TRMT9B: variants seen among roughly 807,000 people sequenced by gnomAD.
The protein encoded by TRMT9B is tRNA methyltransferase 9B (putative).
TRMT9B carries 16 observed loss-of-function variants against 11.5 expected under a neutral mutation model. That is an observed-to-expected ratio of 1.39 (90% confidence interval 0.94 to 2.11). TRMT9B has a LOEUF of 2.11. TRMT9B is among the 30% of genes most tolerant of loss of function. The probability of loss-of-function intolerance (pLI) is 0.00; values close to 1 mark genes in which losing one functional copy is unlikely to be tolerated. For missense variants in TRMT9B, 941 were observed against 553.8 expected (o/e 1.70, Z -7.02); for synonymous variants, 274 against 192.4 (o/e 1.42, Z -3.51).
chr8:13,007,123 TCTC>T (rs1187928226), intron 3 of TRMT9B: 1 of 152,272 alleles, frequency 6.6e-6, no homozygotes. Context: ...CCAAATGTGT[TCTC>T]CTCTGGTGGC....
chr8:13,025,082 T>A lies in TRMT9B; in HGVS notation c.*3038T>A, dbSNP rs2128905706. 6.0e-6 allele frequency: 1 copy of A among 166,908 alleles called. No homozygotes were observed. The highest frequency in any genetic ancestry group is 2.4e-5 in the African/African-American group (1 of 41,360). 10.3% of individuals were successfully genotyped at this position (166,908 alleles called of 1,614,324 possible). A position where few individuals can be genotyped will look rare whatever the true frequency, so the allele number is the denominator to read the frequency against. The stretch of plus-strand genomic sequence containing the variant: ...ATAGATTCTACTGACCTAGCTGGAG[T>A]AATCTGATCACTTACTTCCTTATTA... On this transcript the variant is annotated 3_prime_UTR_variant, in exon 5 of 5. Transcript: ENST00000524591.
rs76436974 is a variant in TRMT9B, at chr8:12,993,249, A to T, written c.-2+2218A>T. On this transcript the variant is annotated intron_variant, in intron 2 of 4. Transcript: ENST00000524591. Reference sequence around the variant, plus strand: ...GCAGAGGTCCCCTGAAGGGCTTTCAAGAAGGAGTGAATATTATCCAATGAG... The same window carrying T: ...GCAGAGGTCCCCTGAAGGGCTTTCATGAAGGAGTGAATATTATCCAATGAG... Among the ~76,000 whole-genome samples the T allele has an allele frequency of 5.0e-3, 756 of 152,318 alleles. 9 individuals carry two copies. Among genetic ancestry groups the T allele is most frequent in the African/African-American group, 0.017 (713 of 41,582 alleles).
chr8:13,015,134 G>C (rs1812392702), intron 4 of TRMT9B, among the ~76,000 whole-genome samples: 1 of 151,050 alleles, frequency 6.6e-6, no homozygotes, highest in Non-Finnish European at 1.5e-5. Context: ...GGACTGCTTG[G>C]TCTTCTTTTG....
chr8:12,994,855 T>A (rs949728239), intron 2 of TRMT9B, among the ~76,000 whole-genome samples: 2 of 152,272 alleles, frequency 1.3e-5, no homozygotes, highest in East Asian at 1.9e-4. Context: ...CTAATGTTTG[T>A]ATTTTTAGTA....
intron 2 of TRMT9B, among the ~76,000 whole-genome samples, chr8:13,003,636 C>A (rs1003803678): frequency 1.3e-5 from 2 of 151,490 alleles, no homozygotes; most frequent in Admixed American, 6.6e-5. Context: ...TCGGAAAGAG[C>A]CTTATGTGCC....
chr8:12,994,477 C>T (rs1217379396), intron 2 of TRMT9B, among the ~76,000 whole-genome samples: 3 of 152,206 alleles, frequency 2.0e-5, no homozygotes, highest in Admixed American at 1.3e-4. Context: ...TTCTTCCCTT[C>T]GGTAGCGCTC....
chr8:13,002,801 G>C (rs1044537405), intron 2 of TRMT9B, among the ~76,000 whole-genome samples: 16 of 152,164 alleles, frequency 1.1e-4, no homozygotes, highest in African/African-American at 3.9e-4. Flanking sequence ...ATACAGGGAA[G>C]ACACCGTCTT....
chr8:12,957,785 G>C (rs1022640971), intron 1 of TRMT9B, among the ~76,000 whole-genome samples: 17 of 152,174 alleles, frequency 1.1e-4, no homozygotes, highest in African/African-American at 4.1e-4. Context: ...ATAGAATTTT[G>C]TATTTTGCAT....
At chr8:12,976,901 G>C (rs898008954) in intron 1 of TRMT9B, among the ~76,000 whole-genome samples, 1 of 152,118 alleles carries the variant, frequency 6.6e-6, no homozygotes, top group South Asian at 2.1e-4. Flanking sequence ...AGACCTATCT[G>C]GGAGGGAGTT....
In TRMT9B at chr8:13,023,244, C is replaced by A. The variant is rs909740918; in HGVS notation, c.*1200C>A. The A allele has an allele frequency of 6.0e-6, 1 of 167,060 alleles. No individual in the cohort carries two copies. The highest frequency in any genetic ancestry group is 2.4e-5 in the African/African-American group (1 of 41,434). 10.3% of individuals were successfully genotyped at this position (167,060 alleles called of 1,614,324 possible). A position where few individuals can be genotyped will look rare whatever the true frequency, so the allele number is the denominator to read the frequency against. On this transcript the variant is annotated 3_prime_UTR_variant, in exon 5 of 5. Transcript: ENST00000524591. ...GGCATTTCTTCTGAGTTGACGGACTCTTTAGGAAAGGAGAATCTAAGTGAA... is the reference window on the plus strand; with the variant it reads ...GGCATTTCTTCTGAGTTGACGGACTATTTAGGAAAGGAGAATCTAAGTGAA...
chr8:13,015,943 A>G (rs1369600739), intron 4 of TRMT9B, among the ~76,000 whole-genome samples: 1 of 151,822 alleles, frequency 6.6e-6, no homozygotes, highest in Non-Finnish European at 1.5e-5. Flanking sequence ...TCGAGTTCAC[A>G]TTTAGGACTA....
intron 1 of TRMT9B, among the ~76,000 whole-genome samples, chr8:12,971,104 T>C (rs1803553934): frequency 6.6e-6 from 1 of 152,206 alleles, no homozygotes; most frequent in South Asian, 2.1e-4. Context: ...ACCTCAAACA[T>C]GTATCTTTGC....
At chr8:12,975,667 G>C (rs1371925857) in intron 1 of TRMT9B, among the ~76,000 whole-genome samples, 1 of 152,182 alleles carries the variant, frequency 6.6e-6, no homozygotes, top group African/African-American at 2.4e-5. Flanking sequence ...GAACCCGTGA[G>C]GTGGAGGTAG....
intron 2 of TRMT9B, among the ~76,000 whole-genome samples, chr8:12,995,414 C>G (rs1161055750): frequency 1.3e-5 from 2 of 152,120 alleles, no homozygotes; most frequent in Non-Finnish European, 1.5e-5. Context: ...CTTTTCTTCT[C>G]TCTGTTCTTT....
chr8:12,993,072 T>G lies in TRMT9B; in HGVS notation c.-2+2041T>G, dbSNP rs560909439. On this transcript the variant is annotated intron_variant, in intron 2 of 4. Coordinates refer to ENST00000524591, the MANE Select transcript of TRMT9B (RefSeq NM_020844.3). Reference sequence around the variant, plus strand: ...AGACCTGAATAAGGTCCTGAGCAAGTCCCTCTCGGGAAAAAGTGAGTAGAT... The same window carrying G: ...AGACCTGAATAAGGTCCTGAGCAAGGCCCTCTCGGGAAAAAGTGAGTAGAT... Among the ~76,000 whole-genome samples, 3 of 152,198 alleles carry G rather than the reference T, an allele frequency of 2.0e-5. No individual in the cohort carries two copies. In the East Asian group the frequency reaches 5.8e-4, roughly 29 times the overall value.
intron 1 of TRMT9B, among the ~76,000 whole-genome samples, chr8:12,963,542 G>A (rs1245424270): frequency 1.3e-5 from 2 of 152,136 alleles, no homozygotes; most frequent in Non-Finnish European, 2.9e-5. Context: ...TTGAGCCCAG[G>A]AATTCAAGGC....
chr8:13,006,076 G>A (rs944459057), intron 2 of TRMT9B, 126 bp from the exon 3 acceptor site: 3 of 828,302 alleles, frequency 3.6e-6, no homozygotes, highest in Non-Finnish European at 5.5e-6. Flanking sequence ...CAGCTTATAA[G>A]AAAGTGTGCA....
chr8:12,984,064 G>C (rs1805860049), intron 1 of TRMT9B, among the ~76,000 whole-genome samples: 2 of 152,196 alleles, frequency 1.3e-5, no homozygotes, highest in Admixed American at 1.3e-4. Context: ...GTCCACATGG[G>C]TGGCTGAGAT....
At chr8:12,964,723 C>G (rs187781554) in intron 1 of TRMT9B, among the ~76,000 whole-genome samples, 150 of 150,874 alleles carry the variant, frequency 9.9e-4, no homozygotes, top group African/African-American at 3.6e-3. Flanking sequence ...TATAAGCATG[C>G]CACCACACCA....
Sources: allele counts gnomAD v4.1 joint callset (sites outside exome capture counted in the v4.1 genomes callset), GRCh38; gene constraint gnomAD v4.1.1; transcripts MANE v1.5; gene names NCBI Gene and HGNC (gene_info 2026-07-23, HGNC 2026-07-21).